The following CAMK4 variants were observed in gnomAD, a reference collection of about 807,000 sequenced individuals.
CAMK4 encodes the protein calcium/calmodulin dependent protein kinase IV.
A neutral mutation model predicts 44.9 loss-of-function variants in CAMK4; 22 were observed. That is an observed-to-expected ratio of 0.49 (90% CI 0.35 to 0.70). CAMK4 has a LOEUF of 0.70. Ranked by LOEUF, CAMK4 falls within the 30% of genes least tolerant of loss-of-function variation. The pLI, the probability that CAMK4 is intolerant of heterozygous loss-of-function variation, is 0.01. For missense variants in CAMK4, 498 were observed against 586.8 expected (o/e 0.85, Z 1.56); for synonymous variants, 218 against 215.4 (o/e 1.01, Z -0.11).
At position 111,494,082 on chromosome 5, in the gene CAMK4, C is replaced by T. The variant is rs532483102; in HGVS notation, c.*9616C>T. ...CCTGGGTTGCTGAAAGCTTTCTGGA[C>T]TAAAAGGATATAAGCAGCTCAATAG... is the stretch of plus-strand genomic sequence containing the variant. On this transcript the variant is annotated 3_prime_UTR_variant, in exon 11 of 11. Coordinates refer to ENST00000282356, the MANE Select transcript of CAMK4 (RefSeq NM_001744.6). 6.6e-6 allele frequency: 1 copy of T among 152,178 alleles called. No homozygotes were observed. The highest frequency in any genetic ancestry group is 6.5e-5 in the Admixed American group (1 of 15,272). 9.4% of individuals were successfully genotyped at this position (152,178 alleles called of 1,614,324 possible). A position where few individuals can be genotyped will look rare whatever the true frequency, so the allele number is the denominator to read the frequency against.
intron 1 of CAMK4, among the ~76,000 whole-genome samples, chr5:111,288,680 G>T (rs1751328953): frequency 6.6e-6 from 1 of 152,038 alleles, no homozygotes; most frequent in Non-Finnish European, 1.5e-5. Context: ...TTCCTCTTAT[G>T]GCAGAACATG....
chr5:111,283,477 G>A (rs952614770), intron 1 of CAMK4, among the ~76,000 whole-genome samples: 6 of 152,196 alleles, frequency 3.9e-5, no homozygotes, highest in African/African-American at 7.2e-5. Flanking sequence ...CAATGAATGA[G>A]CAGTTCTTTA....
At chr5:111,368,334 C>G (rs1750875306) in intron 2 of CAMK4, among the ~76,000 whole-genome samples, 1 of 152,030 alleles carries the variant, frequency 6.6e-6, no homozygotes, top group African/African-American at 2.4e-5. Flanking sequence ...CAGTTATTTT[C>G]TAGGAAAATA....
chr5:111,332,993 A>G (rs1370936180), intron 1 of CAMK4, among the ~76,000 whole-genome samples: 1 of 151,674 alleles, frequency 6.6e-6, no homozygotes, highest in Non-Finnish European at 1.5e-5. Context: ...TTAATCAACA[A>G]TAATAGATAT....
intron 5 of CAMK4, among the ~76,000 whole-genome samples, chr5:111,432,879 C>T (rs1183948351): frequency 1.3e-5 from 2 of 151,780 alleles, no homozygotes; most frequent in Non-Finnish European, 2.9e-5. Flanking sequence ...TACTAAATAC[C>T]ATGTCCTGTG....
chr5:111,324,835 AT>A (rs1392502822), intron 1 of CAMK4, among the ~76,000 whole-genome samples: 1 of 151,686 alleles, frequency 6.6e-6, no homozygotes, highest in East Asian at 1.9e-4. Flanking sequence ...TATAGTATGT[AT>A]TTTTTTTCTT....
intron 7 of CAMK4, among the ~76,000 whole-genome samples, chr5:111,449,455 G>T (rs972257333): frequency 6.6e-6 from 1 of 152,180 alleles, no homozygotes; most frequent in Non-Finnish European, 1.5e-5. Flanking sequence ...TAGACCCACT[G>T]GGCAGCAGAA....
chr5:111,226,018 G>A (rs898790924), intron 1 of CAMK4, among the ~76,000 whole-genome samples: 3 of 152,170 alleles, frequency 2.0e-5, no homozygotes, highest in Non-Finnish European at 2.9e-5. Context: ...TATGATGCGT[G>A]ACAGTGGAAC....
chr5:111,270,917 C>G (rs536571350), intron 1 of CAMK4, among the ~76,000 whole-genome samples: 2 of 152,294 alleles, frequency 1.3e-5, no homozygotes, highest in East Asian at 3.9e-4. Flanking sequence ...TTTCACATGG[C>G]TGGGGAAGCC....
chr5:111,355,105 C>T lies in CAMK4; in HGVS notation c.240+11003C>T, dbSNP rs74566594. On this transcript the variant is annotated intron_variant, in intron 2 of 10. Coordinates refer to ENST00000282356, the MANE Select transcript of CAMK4 (RefSeq NM_001744.6). ...TGATGGATAAGAGAATAATAAATCA[C>T]CAGCTCAAATAGACTTTTTGGGGCC... Among the ~76,000 whole-genome samples the T allele has an allele frequency of 4.4e-3, 670 of 152,170 alleles. 7 individuals are homozygous for T. The highest frequency in any genetic ancestry group is 0.016 in the African/African-American group (646 of 41,546).
chr5:111,427,705 C>T (rs1753278797), intron 5 of CAMK4, among the ~76,000 whole-genome samples: 1 of 152,186 alleles, frequency 6.6e-6, no homozygotes, highest in African/African-American at 2.4e-5. Flanking sequence ...GTTTGAGTGC[C>T]AGCTCAGCTG....
chr5:111,333,579 T>C (rs1027844599), intron 1 of CAMK4, among the ~76,000 whole-genome samples: 1 of 151,656 alleles, frequency 6.6e-6, no homozygotes, highest in African/African-American at 2.4e-5. Context: ...CAGAGCTTCT[T>C]ACGCTTTTAC....
At chr5:111,255,631 T>A (rs1170670823) in intron 1 of CAMK4, among the ~76,000 whole-genome samples, 1 of 152,206 alleles carries the variant, frequency 6.6e-6, no homozygotes, top group Admixed American at 6.5e-5. Context: ...GCTGAGCCTG[T>A]CTCGGGAATG....
chr5:111,314,392 A>G (rs1748334051), intron 1 of CAMK4, among the ~76,000 whole-genome samples: 1 of 152,144 alleles, frequency 6.6e-6, no homozygotes, highest in African/African-American at 2.4e-5. Context: ...TCTGTTTATT[A>G]GTAAAGCACA....
chr5:111,270,891 G>T (rs565704671), intron 1 of CAMK4, among the ~76,000 whole-genome samples: 1 of 152,296 alleles, frequency 6.6e-6, no homozygotes, highest in South Asian at 2.1e-4. Flanking sequence ...AAAGGAAGGA[G>T]GTTTAATTGA....
At chr5:111,463,336 T>A (rs1306853331) in intron 7 of CAMK4, among the ~76,000 whole-genome samples, 1 of 152,080 alleles carries the variant, frequency 6.6e-6, no homozygotes, top group Non-Finnish European at 1.5e-5. Flanking sequence ...AAAGAAGATA[T>A]ACAAATGGGA....
intron 1 of CAMK4, among the ~76,000 whole-genome samples, chr5:111,257,800 G>A (rs892482904): frequency 2.6e-5 from 4 of 152,168 alleles, no homozygotes; most frequent in African/African-American, 7.2e-5. Flanking sequence ...TATATACCAA[G>A]GAATACTATG....
chr5:111,348,627 G>C (rs951699251), intron 2 of CAMK4, among the ~76,000 whole-genome samples: 4 of 151,854 alleles, frequency 2.6e-5, no homozygotes, highest in Non-Finnish European at 5.9e-5. Context: ...ACTTTCAAAT[G>C]GTTAAACAAC....
At chr5:111,239,844 G>A (rs188832247) in intron 1 of CAMK4, among the ~76,000 whole-genome samples, 10 of 152,340 alleles carry the variant, frequency 6.6e-5, no homozygotes, top group Non-Finnish European at 1.2e-4. Flanking sequence ...CTGGAAATGC[G>A]TTGGCAGGAG....
Sources: allele counts gnomAD v4.1 joint callset (sites outside exome capture counted in the v4.1 genomes callset), GRCh38; gene constraint gnomAD v4.1.1; transcripts MANE v1.5; gene names NCBI Gene and HGNC (gene_info 2026-07-23, HGNC 2026-07-21).